SPTLC2: variants seen among roughly 807,000 people sequenced by gnomAD.
SPTLC2 encodes the protein serine palmitoyltransferase 2.
SPTLC2 carries 21 observed loss-of-function variants against 62.0 expected under a neutral mutation model. The observed-to-expected ratio is 0.34, with a 90% CI of 0.24 to 0.49. The LOEUF is 0.49. Ranked by LOEUF, SPTLC2 falls within the 20% of genes least tolerant of loss-of-function variation. SPTLC2 has a pLI of 0.99. For synonymous variants in SPTLC2, 261 were observed against 261.8 expected, an observed-to-expected ratio of 1.00 and a Z score of 0.03; for missense variants, 511 against 713.0, an observed-to-expected ratio of 0.72 and a Z score of 3.23.
intron 1 of SPTLC2, among the ~76,000 whole-genome samples, chr14:77,606,726 C>T (rs954147421): frequency 2.6e-5 from 4 of 152,100 alleles, no homozygotes; most frequent in African/African-American, 9.7e-5. Flanking sequence ...GGAGCTCACG[C>T]CTGTAATCCC....
chr14:77,597,136 T>C lies in SPTLC2; in HGVS notation c.327+50A>G, dbSNP rs771928217. ...AAGCTTTTGTGCAAAAATACTAAGA[T>C]TTCCATAAAAGGCTTCTATTTACAG... is the stretch of plus-strand genomic sequence containing the variant. On this transcript the variant is annotated intron_variant, in intron 2 of 11. Transcript: ENST00000216484. 3 of 1,580,484 alleles carry C rather than the reference T, an allele frequency of 1.9e-6. No homozygotes were observed. The East Asian group carries it at 6.8e-5, about 36-fold the overall frequency.
intron 4 of SPTLC2, among the ~76,000 whole-genome samples, chr14:77,576,400 CATGTACCAGT>C (rs879558870): frequency 6.6e-6 from 1 of 152,200 alleles, no homozygotes; most frequent in Non-Finnish European, 1.5e-5. Context: ...TATTAGCCCC[CATGTACCAGT>C]ATGAAAGCAG....
At chr14:77,577,143 C>T (rs188385020) in intron 3 of SPTLC2, among the ~76,000 whole-genome samples, 170 of 142,260 alleles carry the variant, frequency 1.2e-3, no homozygotes, top group African/African-American at 4.0e-3. Flanking sequence ...CCAGGACAAT[C>T]ACCTTATCTT....
Position 77,518,127 on chromosome 14 carries a change from C to G in SPTLC2, c.1480G>C (p.Val494Leu). The G allele has an allele frequency of 6.2e-7, 1 of 1,614,110 alleles. No individual in the cohort carries two copies. Among genetic ancestry groups the G allele is most frequent in the Non-Finnish European group, 8.5e-7 (1 of 1,180,022 alleles). Residue 494 changes from valine to leucine, a missense_variant, in exon 11 of 12, where the codon GTT (valine) becomes CTT (leucine). Transcript: ENST00000216484. ...GGGGTGGCAGGAAATCCAACCACAA[C>G]GACACCGATGTTCCGCTTCAGCATC... ...REMLKRNIGV[V>L]VVGFPATPII...
intron 9 of SPTLC2, among the ~76,000 whole-genome samples, chr14:77,529,168 C>T (rs2079423590): frequency 6.6e-6 from 1 of 151,260 alleles, no homozygotes; most frequent in Non-Finnish European, 1.5e-5. Context: ...TACACCTTTT[C>T]TCATATTTTA....
chr14:77,609,185 A>G (rs187478308), intron 1 of SPTLC2, among the ~76,000 whole-genome samples: 37 of 152,174 alleles, frequency 2.4e-4, no homozygotes, highest in African/African-American at 8.7e-4. Flanking sequence ...TCCTTTTAAG[A>G]AGTCTGTCCT....
chr14:77,534,350 A>G (rs2079457765), intron 9 of SPTLC2, among the ~76,000 whole-genome samples: 1 of 152,196 alleles, frequency 6.6e-6, no homozygotes, highest in Admixed American at 6.5e-5. Context: ...CATTTTGAGA[A>G]ACATGACAAA....
intron 2 of SPTLC2, among the ~76,000 whole-genome samples, chr14:77,581,273 A>G (rs1170324096): frequency 6.6e-6 from 1 of 152,120 alleles, no homozygotes; most frequent in Non-Finnish European, 1.5e-5. Flanking sequence ...ACAACTCTAA[A>G]ATTAACAACT....
intron 8 of SPTLC2, among the ~76,000 whole-genome samples, chr14:77,553,757 A>G (rs1370283798): frequency 6.8e-6 from 1 of 146,192 alleles, no homozygotes; most frequent in African/African-American, 2.5e-5. Context: ...AAAATCTATC[A>G]AAGCTGATTA....
chr14:77,562,620 T>C (rs141606416), intron 5 of SPTLC2, 131 bp from the exon 6 acceptor site: 25 of 698,670 alleles, frequency 3.6e-5, no homozygotes, highest in African/African-American at 3.5e-4. Flanking sequence ...CAGTGATCAA[T>C]TTTAAGAAGA....
At chr14:77,596,703 AGAGGAGCTGATGTGTGAATC>A (rs2079849678) in intron 2 of SPTLC2, among the ~76,000 whole-genome samples, 1 of 152,134 alleles carries the variant, frequency 6.6e-6, no homozygotes, top group Admixed American at 6.5e-5. Context: ...TTGTCTGGGG[AGAGGAGCTGATGTGTGAATC>A]ACCCAACTAT....
intron 4 of SPTLC2, among the ~76,000 whole-genome samples, chr14:77,571,177 G>A (rs1028190924): frequency 1.3e-5 from 2 of 152,184 alleles, no homozygotes; most frequent in African/African-American, 4.8e-5. Context: ...AAACCACTAA[G>A]TTTTGAGATG....
At chr14:77,568,589 A>G (rs972905006) in intron 5 of SPTLC2, among the ~76,000 whole-genome samples, 2 of 151,996 alleles carry the variant, frequency 1.3e-5, no homozygotes, top group Admixed American at 1.3e-4. Flanking sequence ...CAGGCAGATC[A>G]TGAGGTCAGG....
intron 3 of SPTLC2, among the ~76,000 whole-genome samples, chr14:77,578,587 G>C (rs555113712): frequency 5.1e-4 from 78 of 152,054 alleles, no homozygotes; most frequent in African/African-American, 1.8e-3. Flanking sequence ...GGGTGTGGCG[G>C]TGCATGCCTG....
chr14:77,526,751 G>T (rs1014669770), intron 9 of SPTLC2, among the ~76,000 whole-genome samples: 1 of 151,640 alleles, frequency 6.6e-6, no homozygotes, highest in Non-Finnish European at 1.5e-5. Context: ...GGAAGGAATA[G>T]ATATAAAAGA....
intron 1 of SPTLC2, among the ~76,000 whole-genome samples, chr14:77,610,143 GTTTT>G (rs2079927513): frequency 1.9e-5 from 1 of 52,534 alleles, no homozygotes; most frequent in African/African-American, 5.4e-5. Flanking sequence ...CTGAGGTTTT[GTTTT>G]GTTTTGTTTT....
chr14:77,564,400 T>TACACACACAC (rs6145397), intron 5 of SPTLC2, among the ~76,000 whole-genome samples: 124 of 139,400 alleles, frequency 8.9e-4, no homozygotes, highest in African/African-American at 2.6e-3. Flanking sequence ...TATGCATGCA[T>TACACACACAC]ACACACACAC....
chr14:77,603,351 C>G (rs1325967622), intron 1 of SPTLC2, among the ~76,000 whole-genome samples: 1 of 152,124 alleles, frequency 6.6e-6, no homozygotes, highest in East Asian at 1.9e-4. Context: ...TTAAACGAAC[C>G]CTATTCATTT....
At chr14:77,574,437 C>A (rs1413676335) in intron 4 of SPTLC2, among the ~76,000 whole-genome samples, 1 of 152,164 alleles carries the variant, frequency 6.6e-6, no homozygotes, top group Admixed American at 6.5e-5. Flanking sequence ...AACAGTTTAG[C>A]AATTCCTCAA....
Sources: gnomAD v4.1 joint callset for allele counts (sites outside exome capture counted in the v4.1 genomes callset) on GRCh38, gnomAD v4.1.1 for gene constraint, MANE v1.5 for transcripts, NCBI Gene and HGNC (gene_info 2026-07-23, HGNC 2026-07-21) for gene names.